The following MTCL2 variants were observed in gnomAD, a reference collection of about 807,000 sequenced individuals.
The protein encoded by MTCL2 is microtubule crosslinking factor 2, also known as microtubule cross-linking factor 2.
At chr20:36,799,131 G>A in the MTCL2 span, among the ~76,000 whole-genome samples, 1 of 152,100 alleles carries the variant, frequency 6.6e-6, no homozygotes, top group Non-Finnish European at 1.5e-5. Context: ...TGAGGTGGGA[G>A]GATCACTTGA....
At chr20:36,840,922 G>A in the MTCL2 span, among the ~76,000 whole-genome samples, 1 of 151,914 alleles carries the variant, frequency 6.6e-6, no homozygotes, top group Non-Finnish European at 1.5e-5. Flanking sequence ...GGGCAGGGAG[G>A]GACAATGGGG....
At chr20:36,862,099 G>T in the MTCL2 span, among the ~76,000 whole-genome samples, 2 of 152,244 alleles carry the variant, frequency 1.3e-5, no homozygotes, top group Non-Finnish European at 2.9e-5. Flanking sequence ...TAGGCTGGGC[G>T]GAAGTGGACT....
At chr20:36,793,224 G>GA in the MTCL2 span, 1 of 1,539,418 alleles carries the variant, frequency 6.5e-7, no homozygotes, top group South Asian at 1.2e-5. This position sits in a 1 kb window ranked among gnomAD's most constrained non-coding sequence, Gnocchi z 6.8. Context: ...CCTACTAAGA[G>GA]AAAGGACAGA....
At chr20:36,863,154 G>A in the MTCL2 span, 1 of 1,365,982 alleles carries the variant, frequency 7.3e-7, no homozygotes, top group Non-Finnish European at 9.5e-7. This position sits in a 1 kb window ranked among gnomAD's most constrained non-coding sequence, Gnocchi z 6.2. Flanking sequence ...GGAGAACGCG[G>A]CGCTGCAGGC....
chr20:36,842,873 G>T, the MTCL2 span, among the ~76,000 whole-genome samples: 1 of 152,206 alleles, frequency 6.6e-6, no homozygotes, highest in Non-Finnish European at 1.5e-5. Flanking sequence ...AGTGATGGAA[G>T]CAGGGGTGGG....
the MTCL2 span, among the ~76,000 whole-genome samples, chr20:36,787,477 C>A: frequency 6.6e-6 from 1 of 152,074 alleles, no homozygotes; most frequent in Non-Finnish European, 1.5e-5. Context: ...CCCGCCTCGG[C>A]CTTCCAAAGT....
the MTCL2 span, chr20:36,797,390 G>A: frequency 9.2e-7 from 1 of 1,081,314 alleles, no homozygotes; most frequent in East Asian, 2.6e-5. Context: ...CAAGGTGCAA[G>A]GGTGTGACCT....
At chr20:36,842,362 C>T in the MTCL2 span, among the ~76,000 whole-genome samples, 1 of 152,082 alleles carries the variant, frequency 6.6e-6, no homozygotes, top group African/African-American at 2.4e-5. Flanking sequence ...AGTAGAATTA[C>T]GCAGAAGAAA....
At chr20:36,805,900 G>A in the MTCL2 span, 1 of 1,613,682 alleles carries the variant, frequency 6.2e-7, no homozygotes, top group Non-Finnish European at 8.5e-7. Flanking sequence ...TTATCAGAAT[G>A]CTGAGCGTTT....
At chr20:36,860,976 C>G in the MTCL2 span, among the ~76,000 whole-genome samples, 1 of 152,200 alleles carries the variant, frequency 6.6e-6, no homozygotes, top group Non-Finnish European at 1.5e-5. Context: ...GTGCCTCAAA[C>G]AGACTTTGGG....
chr20:36,794,215 C>T, the MTCL2 span: 5 of 1,547,342 alleles, frequency 3.2e-6, no homozygotes, highest in South Asian at 4.8e-5. The surrounding 1 kb of genome is among the most constrained non-coding windows in gnomAD (Gnocchi z 5.4). Context: ...CCTCGGCCGA[C>T]TCTTTGGGCT....
At chr20:36,848,154 TA>T in the MTCL2 span, among the ~76,000 whole-genome samples, 1 of 151,958 alleles carries the variant, frequency 6.6e-6, no homozygotes, top group Non-Finnish European at 1.5e-5. Flanking sequence ...TGTCTCTAAA[TA>T]AAAATGAGAG....
the MTCL2 span, chr20:36,777,815 G>A: frequency 1.6e-6 from 1 of 619,538 alleles, no homozygotes; most frequent in Non-Finnish European, 2.9e-6. Context: ...AGGATGAGGA[G>A]GAAGGGCAGC....
At chr20:36,806,251 T>C in the MTCL2 span, among the ~76,000 whole-genome samples, 1 of 152,100 alleles carries the variant, frequency 6.6e-6, no homozygotes, top group Non-Finnish European at 1.5e-5. Context: ...GGGACCTTGC[T>C]GGGGGGTTGG....
the MTCL2 span, among the ~76,000 whole-genome samples, chr20:36,811,164 A>G: frequency 8.5e-5 from 13 of 152,324 alleles, no homozygotes; most frequent in East Asian, 2.3e-3. Flanking sequence ...TCTGTTTTGC[A>G]TTAAAAATTT....
the MTCL2 span, among the ~76,000 whole-genome samples, chr20:36,861,642 C>T: frequency 2.0e-5 from 3 of 152,216 alleles, no homozygotes; most frequent in Admixed American, 2.0e-4. Flanking sequence ...GGCCATCATC[C>T]ACTGACAAGA....
chr20:36,854,357 G>GC, the MTCL2 span, among the ~76,000 whole-genome samples: 2 of 152,128 alleles, frequency 1.3e-5, no homozygotes, highest in Non-Finnish European at 1.5e-5. Flanking sequence ...CGTGGTAAAT[G>GC]CCCCAAAGGA....
At chr20:36,786,513 T>A in the MTCL2 span, 1 of 1,548,950 alleles carries the variant, frequency 6.5e-7, no homozygotes, top group Middle Eastern at 1.8e-4. Context: ...TGCCCTCTCC[T>A]CCCCACCCCA....
the MTCL2 span, among the ~76,000 whole-genome samples, chr20:36,792,875 G>T: frequency 6.6e-6 from 1 of 151,644 alleles, no homozygotes; most frequent in Non-Finnish European, 1.5e-5. Flanking sequence ...CAGACAGACA[G>T]ACAGACAGAC....
Sources: allele counts gnomAD v4.1 joint callset (sites outside exome capture counted in the v4.1 genomes callset), GRCh38; gene constraint gnomAD v4.1.1; non-coding constraint Gnocchi (gnomAD v3.1); transcripts MANE v1.5; gene names NCBI Gene and HGNC (gene_info 2026-07-23, HGNC 2026-07-21).